Variants in CACNA1A observed in about 807,000 individuals in gnomAD.
CACNA1A encodes voltage-dependent P/Q-type calcium channel subunit alpha-1A.
A neutral mutation model predicts 262.4 loss-of-function variants in CACNA1A; 57 were observed. That is an observed-to-expected ratio of 0.22 (90% CI 0.18 to 0.27). The LOEUF (loss-of-function observed/expected upper bound fraction) is 0.27, where lower values mean the gene tolerates loss of function less well. Among genes scored for constraint, CACNA1A ranks in the 10% least tolerant of loss-of-function variants. The pLI is 1.00. For missense variants in CACNA1A, 2,526 were observed against 3,562.8 expected, an observed-to-expected ratio of 0.71 and a Z score of 7.41; for synonymous variants, 1,431 against 1,419.3, an observed-to-expected ratio of 1.01 and a Z score of -0.18.
intron 15 of CACNA1A, 102 bp from the exon 16 acceptor site, chr19:13,303,986 C>G: frequency 1.3e-6 from 1 of 777,490 alleles, no homozygotes; most frequent in South Asian, 1.6e-5. Flanking sequence ...ATCCCCGAGC[C>G]CAGGAGGTCT....
In CACNA1A at chr19:13,212,774, A is replaced by C. The variant is rs762200547; in HGVS notation, c.5941-34T>G. ...TGGGGCAGAGAGCAGTGTGTGGACA[A>C]GGGTGGGGTGGTGGGACGGTGGTAC... On this transcript the variant is annotated intron_variant, in intron 40 of 46. Coordinates refer to ENST00000360228, the MANE Select transcript of CACNA1A (RefSeq NM_001127222.2). This position sits in a 1 kb window ranked among gnomAD's most constrained non-coding sequence, Gnocchi z 5.6. 5.2e-6 allele frequency: 6 copies of C among 1,161,934 alleles called. No individual in the cohort carries two copies. The highest frequency in any genetic ancestry group is 1.7e-5 in the South Asian group (1 of 60,356). The allele number at this position is 1,161,934 out of a possible 1,614,324, so 72.0% of individuals were successfully genotyped here. A position where few individuals can be genotyped will look rare whatever the true frequency, so the allele number is the denominator to read the frequency against.
chr19:13,402,733 CATAT>C (rs1184133359), intron 3 of CACNA1A, among the ~76,000 whole-genome samples: 2 of 140,852 alleles, frequency 1.4e-5, no homozygotes, highest in African/African-American at 2.7e-5. Flanking sequence ...TATATATATA[CATAT>C]ATATACACAT....
At chr19:13,459,759 G>A (rs1365730954) in intron 1 of CACNA1A, among the ~76,000 whole-genome samples, 1 of 152,134 alleles carries the variant, frequency 6.6e-6, no homozygotes, top group East Asian at 1.9e-4. Context: ...CCGGTTCCCT[G>A]GTCTCCTGCC....
chr19:13,402,857 TACAC>T (rs1282745878), intron 3 of CACNA1A, among the ~76,000 whole-genome samples: 100 of 75,778 alleles, frequency 1.3e-3, no homozygotes, highest in Admixed American at 4.1e-3. Context: ...CATATATATA[TACAC>T]ACACACACAC....
At chr19:13,429,208 C>T (rs1433082853) in intron 3 of CACNA1A, among the ~76,000 whole-genome samples, 1 of 145,020 alleles carries the variant, frequency 6.9e-6, no homozygotes, top group Non-Finnish European at 1.5e-5. Context: ...ACACACACAC[C>T]CCTCTTTCTC....
chr19:13,383,731 G>T lies in CACNA1A; in HGVS notation c.540-11952C>A, dbSNP rs749393330. Among the ~76,000 whole-genome samples the T allele has an allele frequency of 7.9e-5, 12 of 152,254 alleles. 1 individual carries two copies. Among genetic ancestry groups the T allele is most frequent in the Admixed American group, 3.3e-4 (5 of 15,290 alleles). On this transcript the variant is annotated intron_variant, in intron 3 of 46. Transcript: ENST00000360228. The stretch of plus-strand genomic sequence containing the variant: ...TTCTTCAGGTTGAAACTCAGATTCT[G>T]CCTTCTCAGAGAGAACATCCCTCAA...
At position 13,401,736 on chromosome 19, in the gene CACNA1A, G is replaced by A. The variant is rs74910316; in HGVS notation, c.540-29957C>T. Among the ~76,000 whole-genome samples the A allele has an allele frequency of 2.4e-4, 36 of 152,280 alleles. No individual in the cohort carries two copies. In the East Asian group the frequency reaches 4.6e-3, roughly 20 times the overall value. ...ACCTTGGAAGCCACATGTTTAAGCA[G>A]GGAGAGCCTCCAACAGCCTGGATCC... On this transcript the variant is annotated intron_variant, in intron 3 of 46. Transcript: ENST00000360228.
At chr19:13,330,668 G>A (rs1302777652) in intron 9 of CACNA1A, among the ~76,000 whole-genome samples, 1 of 152,162 alleles carries the variant, frequency 6.6e-6, no homozygotes, top group African/African-American at 2.4e-5. Context: ...TTGGCTTACT[G>A]CAACCTCTGC....
rs757291476 is a variant in CACNA1A, at chr19:13,224,713, G to A, written c.5685C>T (p.Thr1895=). The change falls in exon 38 of 47, where the codon ACC becomes ACT. Residue 1895 remains threonine, a synonymous_variant. Coordinates refer to ENST00000360228, the MANE Select transcript of CACNA1A (RefSeq NM_001127222.2). ...GGGCTGTGCGGATCAGAGCCATGAG[G>A]GTGGAATTGAAGTGGACGGTGTTGT... is the stretch of plus-strand genomic sequence containing the variant. ...ADDNTVHFNS[T]LMALIRTALD... 4.4e-5 allele frequency: 71 copies of A among 1,613,096 alleles called. No homozygotes were observed. The Middle Eastern group carries it at 9.1e-3, about 206-fold the overall frequency.
rs1362395618 is a variant in CACNA1A at position 13,438,763 on chromosome 19, A to G, written c.539+14113T>C. Among the ~76,000 whole-genome samples the G allele has an allele frequency of 2.0e-5, 3 of 152,372 alleles. No homozygotes were observed. The East Asian group carries it at 5.8e-4, about 29-fold the overall frequency. The stretch of plus-strand genomic sequence containing the variant: ...GGGTCTTGGGGATTGTTTGTTACAC[A>G]GCCGTATTATGGCAATATATAACTG... On this transcript the variant is annotated intron_variant, in intron 3 of 46. Transcript: ENST00000360228.
chr19:13,272,333 C>T (rs1396878258), intron 24 of CACNA1A: 1 of 152,376 alleles, frequency 6.6e-6, no homozygotes, highest in Non-Finnish European at 1.5e-5. Flanking sequence ...CCTGCCACCT[C>T]TTGAGCCCTA....
At chr19:13,251,483 A>C (rs1425968379) in intron 30 of CACNA1A, among the ~76,000 whole-genome samples, 2 of 152,202 alleles carry the variant, frequency 1.3e-5, no homozygotes, top group East Asian at 1.9e-4. Context: ...TGTCTCAAAC[A>C]AAACAAAACA....
rs761136437 is a variant in CACNA1A at position 13,259,708 on chromosome 19, C to G, written c.4251-7G>C. The G allele has an allele frequency of 3.7e-6, 6 of 1,610,782 alleles. No individual in the cohort carries two copies. In the Admixed American group the frequency reaches 5.0e-5, roughly 14 times the overall value. On this transcript the variant is annotated splice_region_variant and splice_polypyrimidine_tract_variant and intron_variant, in intron 26 of 46. Coordinates refer to ENST00000360228, the MANE Select transcript of CACNA1A (RefSeq NM_001127222.2). The stretch of plus-strand genomic sequence containing the variant: ...GTAGAGGAGGTATTTGCCTCTGCCA[C>G]AGAGAGTGGGGACTGTTAGTAAATG...
chr19:13,336,322 C>T (rs925110557), intron 6 of CACNA1A, among the ~76,000 whole-genome samples: 5 of 152,280 alleles, frequency 3.3e-5, no homozygotes, highest in African/African-American at 1.2e-4. Flanking sequence ...ACCACAGAGT[C>T]TGATGGCCTG....
rs149642190 is a variant in CACNA1A at position 13,324,615 on chromosome 19, C to T, written c.1345+5629G>A. Among the ~76,000 whole-genome samples the T allele has an allele frequency of 2.6e-4, 40 of 152,278 alleles. 1 individual carries two copies. The East Asian group carries it at 5.6e-3, about 21-fold the overall frequency. ...ATTAATAAAAAATCATGCCTGTAATCCCAGAACTTTGGGAAGCCAGGGCAG... is the reference window on the plus strand; with the variant it reads ...ATTAATAAAAAATCATGCCTGTAATTCCAGAACTTTGGGAAGCCAGGGCAG... On this transcript the variant is annotated intron_variant, in intron 10 of 46. Transcript: ENST00000360228.
At chr19:13,213,149 C>G (rs1375081326) in intron 40 of CACNA1A, among the ~76,000 whole-genome samples, 1 of 152,188 alleles carries the variant, frequency 6.6e-6, no homozygotes, top group Non-Finnish European at 1.5e-5. Flanking sequence ...CCTGAAGGAT[C>G]TGCCCTGTCA....
chr19:13,407,898 G>C (rs1228172545), intron 3 of CACNA1A, among the ~76,000 whole-genome samples: 1 of 152,078 alleles, frequency 6.6e-6, no homozygotes, highest in Non-Finnish European at 1.5e-5. Flanking sequence ...ATTGGATCCT[G>C]GGAGCAGATT....
chr19:13,450,968 A>G (rs2060904861), intron 3 of CACNA1A: 1 of 152,312 alleles, frequency 6.6e-6, no homozygotes, highest in Non-Finnish European at 1.5e-5. Flanking sequence ...CCAGCTTTAC[A>G]TTTTTTAAAC....
chr19:13,272,799 C>G (rs1037259345), intron 24 of CACNA1A: 1 of 151,692 alleles, frequency 6.6e-6, no homozygotes, highest in Non-Finnish European at 1.5e-5. Flanking sequence ...TGGAGAAACC[C>G]GTAGGTTATT....
Sources: gnomAD v4.1 joint callset for allele counts (sites outside exome capture counted in the v4.1 genomes callset) on GRCh38, gnomAD v4.1.1 for gene constraint, Gnocchi (gnomAD v3.1) non-coding constraint, MANE v1.5 for transcripts, NCBI Gene and HGNC (gene_info 2026-07-23, HGNC 2026-07-21) for gene names.